The following CCDC13 variants were observed in gnomAD, a reference collection of about 807,000 sequenced individuals.
The protein encoded by CCDC13 is coiled-coil domain containing 13.
Under a neutral mutation model 87.3 loss-of-function variants are expected in CCDC13, and 70 were observed. The observed-to-expected ratio is 0.80, with a 90% confidence interval of 0.66 to 0.98. The LOEUF is 0.98. Ranked by LOEUF, CCDC13 falls within the 50% of genes least tolerant of loss-of-function variation. CCDC13 has a pLI of 0.00. For missense variants in CCDC13, 842 were observed against 892.0 expected (o/e 0.94, Z 0.71); for synonymous variants, 317 against 360.3 (o/e 0.88, Z 1.36).
rs888062908 is a variant in CCDC13 at position 42,730,261 on chromosome 3, T to A, written c.1718+206A>T. On this transcript the variant is annotated intron_variant, in intron 13 of 15. Transcript: ENST00000310232. Reference sequence around the variant, plus strand: ...ATACAACAGTCCCATTGGGTGCATGTAGAATGGGGCTGTTCCTAAGGGCAA... The same window carrying A: ...ATACAACAGTCCCATTGGGTGCATGAAGAATGGGGCTGTTCCTAAGGGCAA... 2.6e-5 allele frequency among the ~76,000 whole-genome samples: 4 copies of A among 151,694 alleles called. No individual in the cohort carries two copies. In the East Asian group the frequency reaches 7.8e-4, roughly 29 times the overall value.
chr3:42,740,397 A>AGGGTTTCCTGAGGGCCTACTAT (rs1202648693), intron 8 of CCDC13, among the ~76,000 whole-genome samples: 1 of 152,066 alleles, frequency 6.6e-6, no homozygotes, highest in Non-Finnish European at 1.5e-5. Context: ...TTCATTCTCG[A>AGGGTTTCCTGAGGGCCTACTAT]GGGTTTCCTG....
chr3:42,742,937 T>C lies in CCDC13; in HGVS notation c.946A>G (p.Arg316Gly). Residue 316 changes from arginine (R) to glycine (G), a missense_variant, in exon 8 of 16, where the codon AGG (arginine) becomes GGG (glycine). Coordinates refer to ENST00000310232, the MANE Select transcript of CCDC13 (RefSeq NM_144719.4). ...KLSAQEKNLL[R>G]IRSLEREKQE... ...TTTTCCCTTTCCAGGCTGCGGATCC[T>C]CAGCAGGTTTTTCTCCTGTGCCGAC... is the stretch of plus-strand genomic sequence containing the variant. 2 of 1,614,128 alleles carry C rather than the reference T, an allele frequency of 1.2e-6. No homozygotes were observed. The highest frequency in any genetic ancestry group is 1.7e-6 in the Non-Finnish European group (2 of 1,179,988).
chr3:42,758,117 G>A lies in CCDC13; in HGVS notation c.221+8C>T. 6.2e-7 allele frequency: 1 copy of A among 1,603,790 alleles called. No homozygotes were observed. Among genetic ancestry groups the A allele is most frequent in the African/African-American group, 1.3e-5 (1 of 74,300 alleles). The stretch of plus-strand genomic sequence containing the variant: ...CACACCCCTGAGAGATTTCAAACTT[G>A]CATTTACCTCTTCTCAAAGCTATTT... On this transcript the variant is annotated splice_region_variant and intron_variant, in intron 2 of 15. Coordinates refer to ENST00000310232, the MANE Select transcript of CCDC13 (RefSeq NM_144719.4).
intron 5 of CCDC13, among the ~76,000 whole-genome samples, chr3:42,748,811 G>A (rs750984670): frequency 2.0e-5 from 3 of 152,170 alleles, no homozygotes; most frequent in African/African-American, 4.8e-5. Flanking sequence ...GAACTTATAT[G>A]AAACATAATC....
At chr3:42,715,165 T>C (rs1016316499) in intron 13 of CCDC13, among the ~76,000 whole-genome samples, 9 of 148,380 alleles carry the variant, frequency 6.1e-5, no homozygotes, top group Non-Finnish European at 1.3e-4. Flanking sequence ...AAAAATTAGC[T>C]AGGTGTGGTG....
Position 42,770,299 on chromosome 3 carries a change from G to A in CCDC13, c.-7+2877C>T, listed in dbSNP as rs958697874. On this transcript the variant is annotated intron_variant, in intron 1 of 15. Transcript: ENST00000310232. ...CACTCTGTATCTAGCTAATCTGGTGGGGACTTTGAGAATCTTTATGTCTAG... is the reference window on the plus strand; with the variant it reads ...CACTCTGTATCTAGCTAATCTGGTGAGGACTTTGAGAATCTTTATGTCTAG... 1.3e-5 allele frequency among the ~76,000 whole-genome samples: 2 copies of A among 152,006 alleles called. 1 individual carries two copies. Among genetic ancestry groups the A allele is most frequent in the African/African-American group, 4.8e-5 (2 of 41,368 alleles).
Position 42,709,049 on chromosome 3 carries a change from A to G in CCDC13, c.2079T>C (p.His693=). Residue 693 remains histidine (H), a synonymous_variant, in exon 16 of 16, where the codon CAT becomes CAC. Coordinates refer to ENST00000310232, the MANE Select transcript of CCDC13 (RefSeq NM_144719.4). ...RGKEEDFRMY[H]EILGQVKSVF... ...CACTTTTCACCTGGCCCAGGATCTC[A>G]TGGTACATCCGGAAGTCCTCCTCCT... 1 of 1,614,024 alleles carries G rather than the reference A, an allele frequency of 6.2e-7. No homozygotes were observed. The highest frequency in any genetic ancestry group is 8.5e-7 in the Non-Finnish European group (1 of 1,179,920).
rs1045466162 is a variant in CCDC13 at position 42,758,193 on chromosome 3, C to T, written c.153G>A (p.Leu51=). The change falls in exon 2 of 16, where the codon TTG becomes TTA. Residue 51 remains leucine, a synonymous_variant. Coordinates refer to ENST00000310232, the MANE Select transcript of CCDC13 (RefSeq NM_144719.4). ...GAAGGCTGAGGCCATCTGAAACCTC[C>T]AAGGGCTCCTCTTGGTCGTCAGCTC... ...KSRADDQEEP[L]EVSDGLSLLH... 8 of 1,614,012 alleles carry T rather than the reference C, an allele frequency of 5.0e-6. No individual in the cohort carries two copies. In the African/African-American group the frequency reaches 5.3e-5, roughly 11 times the overall value.
intron 1 of CCDC13, among the ~76,000 whole-genome samples, chr3:42,768,542 A>C (rs11129971): frequency 0.95 from 145,121 of 152,012 alleles, 69,646 homozygotes; most frequent in East Asian, 1. Context: ...ACTGAAAATA[A>C]AAAAATTAGC....
rs766028854 is a variant in CCDC13 at position 42,732,937 on chromosome 3, T to C, written c.1545A>G (p.Glu515=). Residue 515 remains glutamate, a synonymous_variant, in exon 12 of 16, where the codon GAA becomes GAG. Coordinates refer to ENST00000310232, the MANE Select transcript of CCDC13 (RefSeq NM_144719.4). ...GCAGGGAAGGCCTCGTGAGAGCAGATTCCACCAGTGTGTGGCCCAGGCTGG... is the reference window on the plus strand; with the variant it reads ...GCAGGGAAGGCCTCGTGAGAGCAGACTCCACCAGTGTGTGGCCCAGGCTGG... ...SVTSLGHTLV[E]SALTRPSLPS... 23 of 1,554,076 alleles carry C rather than the reference T, an allele frequency of 1.5e-5. No individual in the cohort carries two copies. Among genetic ancestry groups the C allele is most frequent in the Non-Finnish European group, 8.7e-7 (1 of 1,148,170 alleles).
intron 13 of CCDC13, among the ~76,000 whole-genome samples, chr3:42,726,771 A>G (rs1366935589): frequency 6.6e-6 from 1 of 151,980 alleles, no homozygotes; most frequent in Non-Finnish European, 1.5e-5. Context: ...ATATATACAT[A>G]TATACATATA....
chr3:42,733,380 G>C, intron 11 of CCDC13, 90 bp downstream of exon 11: 1 of 1,503,642 alleles, frequency 6.7e-7, no homozygotes, highest in Non-Finnish European at 9.2e-7. Context: ...AATTGCACCT[G>C]TGGCTTCCCA....
Position 42,708,752 on chromosome 3 carries a change from TA to T in CCDC13, c.*227del. The stretch of plus-strand genomic sequence containing the variant: ...GGGCTGCTGGGCCTCCCTGCTGCTG[TA>T]ACCCAGCCAGCCCAGGGTCTCCTGC... On this transcript the variant is annotated 3_prime_UTR_variant, in exon 16 of 16. Transcript: ENST00000310232. 2.3e-6 allele frequency: 1 copy of T among 442,918 alleles called. No individual in the cohort carries two copies. The highest frequency in any genetic ancestry group is 3.9e-6 in the Non-Finnish European group (1 of 254,612). 27.4% of individuals were successfully genotyped at this position (442,918 alleles called of 1,614,324 possible).
chr3:42,758,393 A>G (rs1027250778), intron 1 of CCDC13, 42 bp from the exon 2 acceptor site: 26 of 1,590,588 alleles, frequency 1.6e-5, no homozygotes, highest in Non-Finnish European at 2.1e-5. Context: ...CAAACTCCAC[A>G]CCGAGCGCTC....
Position 42,752,678 on chromosome 3 carries a change from A to G in CCDC13, c.410T>C (p.Ile137Thr), listed in dbSNP as rs1559657743. 3.1e-6 allele frequency: 5 copies of G among 1,613,950 alleles called. No individual in the cohort carries two copies. The highest frequency in any genetic ancestry group is 3.3e-4 in the Middle Eastern group (2 of 6,062). Residue 137 changes from isoleucine to threonine, a missense_variant, in exon 4 of 16, where the codon ATT becomes ACT. By Grantham distance (89) the Ile-to-Thr change is moderately conservative (BLOSUM62 -1). Transcript: ENST00000310232. ...CCGGTTCTTTTTTGATAGCTCCACA[A>G]TTTTGGTGGCGACCACGTCTCCGGC... is the stretch of plus-strand genomic sequence containing the variant. ...GVAGDVVATKIVELSKKNRLL... is the reference protein window; with the variant it reads ...GVAGDVVATKTVELSKKNRLL...
chr3:42,712,456 T>C (rs1379167826), intron 14 of CCDC13, among the ~76,000 whole-genome samples: 1 of 152,192 alleles, frequency 6.6e-6, no homozygotes, highest in Non-Finnish European at 1.5e-5. Context: ...TGAGAACCAC[T>C]GTGTTCGAGC....
At chr3:42,705,330 G>T (rs550467916), downstream of CCDC13, among the ~76,000 whole-genome samples, 46 of 152,268 alleles carry the variant, frequency 3.0e-4, no homozygotes, top group African/African-American at 9.9e-4. Flanking sequence ...GCTCCTGGGA[G>T]CAGGGGAGGG....
chr3:42,754,716 G>T (rs1005885422), intron 3 of CCDC13, among the ~76,000 whole-genome samples: 24 of 152,320 alleles, frequency 1.6e-4, no homozygotes, highest in African/African-American at 5.5e-4. Context: ...TTCCTCCCAG[G>T]ACTCAAATCA....
At chr3:42,713,362 G>A (rs1456123551) in intron 13 of CCDC13, 46 bp from the exon 14 acceptor site, 1 of 1,603,324 alleles carries the variant, frequency 6.2e-7, no homozygotes, top group African/African-American at 1.3e-5. Flanking sequence ...GGCAGGCAGG[G>A]GCAGGCCCTA....
Sources: allele counts gnomAD v4.1 joint callset (sites outside exome capture counted in the v4.1 genomes callset), GRCh38; gene constraint gnomAD v4.1.1; transcripts MANE v1.5; gene names NCBI Gene and HGNC (gene_info 2026-07-23, HGNC 2026-07-21).